The following XRCC1 variants were observed in gnomAD, a reference collection of about 807,000 sequenced individuals.
The protein encoded by XRCC1 is DNA repair protein XRCC1.
XRCC1 carries 52 observed loss-of-function variants against 83.3 expected under a neutral mutation model. The ratio of observed to expected loss-of-function variants is 0.62; its 90% CI spans 0.50 to 0.79. XRCC1 has a LOEUF of 0.79. XRCC1 is among the 30% of genes least tolerant of loss of function. XRCC1 has a pLI of 0.00. For synonymous variants in XRCC1, 281 were observed against 312.6 expected (o/e 0.90, Z 1.07); for missense variants, 793 against 823.5 (o/e 0.96, Z 0.45).
intron 3 of XRCC1, among the ~76,000 whole-genome samples, chr19:43,560,529 G>C (rs547633860): frequency 6.6e-6 from 1 of 152,314 alleles, no homozygotes; most frequent in South Asian, 2.1e-4. Flanking sequence ...ACAAGCTGAG[G>C]AGGGCAGATG....
intron 2 of XRCC1, among the ~76,000 whole-genome samples, chr19:43,573,237 A>G (rs2854506): frequency 0.8 from 122,266 of 152,096 alleles, 49,249 homozygotes; most frequent in East Asian, 0.88. Flanking sequence ...TCTTATAAGA[A>G]TTTGTGGGAT....
At chr19:43,545,653 C>G (rs1972500442) in intron 14 of XRCC1, among the ~76,000 whole-genome samples, 165 bp downstream of exon 14, 1 of 152,182 alleles carries the variant, frequency 6.6e-6, no homozygotes, top group Admixed American at 6.5e-5. Flanking sequence ...AGGAAAGGAA[C>G]AAGCCTGGCA....
At position 43,575,527 on chromosome 19, in the gene XRCC1, T is replaced by A. The variant is rs1350080696; in HGVS notation, c.-69A>T. On this transcript the variant is annotated 5_prime_UTR_variant, in exon 1 of 17. Coordinates refer to ENST00000262887, the MANE Select transcript of XRCC1 (RefSeq NM_006297.3). The stretch of plus-strand genomic sequence containing the variant: ...TATGGGGTCCGAGGGGCAGGGAGAG[T>A]GGGAGGGGGCGGGGTGCGCCCTGCG... 3 of 1,480,386 alleles carry A rather than the reference T, an allele frequency of 2.0e-6. No homozygotes were observed. The highest frequency in any genetic ancestry group is 2.8e-5 in the African/African-American group (2 of 70,904). 91.7% of individuals were successfully genotyped at this position (1,480,386 alleles called of 1,614,324 possible).
At chr19:43,570,060 A>G (rs2854510) in intron 2 of XRCC1, among the ~76,000 whole-genome samples, 29,021 of 152,190 alleles carry the variant, frequency 0.19, 2,855 homozygotes, top group African/African-American at 0.21. Context: ...TGCAGTTTGC[A>G]AAGAGTCACT....
chr19:43,554,665 C>T lies in XRCC1; in HGVS notation c.395G>A (p.Cys132Tyr). 6.2e-7 allele frequency: 1 copy of T among 1,612,780 alleles called. No homozygotes were observed. The highest frequency in any genetic ancestry group is 8.5e-7 in the Non-Finnish European group (1 of 1,179,162). Residue 132 changes from cysteine to tyrosine, a missense_variant, in exon 4 of 17, where the codon TGC (cysteine) becomes TAC (tyrosine). Transcript: ENST00000262887. The stretch of plus-strand genomic sequence containing the variant: ...AGGTACCTTGCTGTAGGGCTGGCTG[C>T]AAACAATTTTGACCCGGTCCCAGCG... ...EKRWDRVKIV[C>Y]SQPYSKDSPF...
chr19:43,567,513 T>C (rs1008579007), intron 2 of XRCC1, among the ~76,000 whole-genome samples: 3 of 152,174 alleles, frequency 2.0e-5, no homozygotes, highest in African/African-American at 7.2e-5. Context: ...GGTTTCACCA[T>C]GTTGGCCAGC....
At chr19:43,571,334 C>G (rs1972804915) in intron 2 of XRCC1, among the ~76,000 whole-genome samples, 1 of 152,160 alleles carries the variant, frequency 6.6e-6, no homozygotes, top group African/African-American at 2.4e-5. Context: ...TTCAGGGAGG[C>G]CTTCCCGGAC....
chr19:43,567,268 TAAAA>T (rs35436804), intron 2 of XRCC1, among the ~76,000 whole-genome samples: 3 of 143,540 alleles, frequency 2.1e-5, no homozygotes, highest in African/African-American at 5.1e-5. Flanking sequence ...GTCAATATGC[TAAAA>T]AAAAAAAAAA....
chr19:43,544,107 C>T (rs1411425651), intron 15 of XRCC1, 37 bp downstream of exon 15: 16 of 1,560,540 alleles, frequency 1.0e-5, no homozygotes, highest in Non-Finnish European at 1.4e-5. Flanking sequence ...CCCTTGGATC[C>T]ATCACCCCTT....
chr19:43,549,284 A>G lies in XRCC1; in HGVS notation c.1199+2287T>C, dbSNP rs374709987. 3.2e-4 allele frequency among the ~76,000 whole-genome samples: 49 copies of G among 152,210 alleles called. No homozygotes were observed. In the South Asian group the frequency reaches 0.01, roughly 32 times the overall value. On this transcript the variant is annotated intron_variant, in intron 10 of 16. Coordinates refer to ENST00000262887, the MANE Select transcript of XRCC1 (RefSeq NM_006297.3). ...TTATTTTATTTTTATTTTTTGAGAC[A>G]GAGTCTCGCTCTGTCCCCAGGCTGG...
chr19:43,560,394 C>T (rs1333862428), intron 3 of XRCC1, among the ~76,000 whole-genome samples: 1 of 148,266 alleles, frequency 6.7e-6, no homozygotes, highest in Non-Finnish European at 1.5e-5. Context: ...AGCGAGACTC[C>T]GTCTCAAAAA....
Position 43,546,122 on chromosome 19 carries a change from CA to C in XRCC1, c.1427-17del, listed in dbSNP as rs1972506882. ...TCCTGTCCTTCTGCAAGTAGAAGCTCAGTCAATGCAAGGCTGCCTTGTCTCC... is the reference window on the plus strand; with the variant it reads ...TCCTGTCCTTCTGCAAGTAGAAGCTCGTCAATGCAAGGCTGCCTTGTCTCC... On this transcript the variant is annotated splice_polypyrimidine_tract_variant and intron_variant, in intron 12 of 16. Coordinates refer to ENST00000262887, the MANE Select transcript of XRCC1 (RefSeq NM_006297.3). The C allele has an allele frequency of 6.2e-7, 1 of 1,613,854 alleles. No homozygotes were observed. The highest frequency in any genetic ancestry group is 1.1e-5 in the South Asian group (1 of 91,070).
chr19:43,560,974 C>T lies in XRCC1; in HGVS notation c.191G>A (p.Gly64Asp), dbSNP rs1972692807. 1.2e-6 allele frequency: 2 copies of T among 1,614,100 alleles called. No homozygotes were observed. The highest frequency in any genetic ancestry group is 1.7e-6 in the Non-Finnish European group (2 of 1,180,038). Residue 64 changes from glycine to aspartate, a missense_variant, in exon 3 of 17, where the codon GGC (glycine) becomes GAC (aspartate). Physicochemically the swap from Gly to Asp is moderately conservative, Grantham distance 94 (BLOSUM62 -1). Transcript: ENST00000262887. ...CACCAGCACCTCCACGAAAGCTGAG[C>T]CATCATTCCCAATGTCCACACTGTG... ...QIHSVDIGND[G>D]SAFVEVLVGS...
chr19:43,563,865 T>C (rs888653895), intron 2 of XRCC1, among the ~76,000 whole-genome samples: 5 of 152,212 alleles, frequency 3.3e-5, no homozygotes, highest in African/African-American at 1.2e-4. Context: ...TTTGTATTTG[T>C]CTAGCATCTG....
At position 43,546,676 on chromosome 19, in the gene XRCC1, G is replaced by C. The variant is rs1157599912; in HGVS notation, c.1345C>G (p.Gln449Glu). Residue 449 changes from glutamine (Q) to glutamate (E), a missense_variant, in exon 12 of 17, where the codon CAG becomes GAG. Coordinates refer to ENST00000262887, the MANE Select transcript of XRCC1 (RefSeq NM_006297.3). ...PTQAAGPSSPQKPPTPEETKA... is the reference protein window; with the variant it reads ...PTQAAGPSSPEKPPTPEETKA... ...GTCTCTTCAGGGGTTGGGGGCTTCT[G>C]GGGTGAGCTGGGTCCAGCTGCCTGA... 1 of 1,610,444 alleles carries C rather than the reference G, an allele frequency of 6.2e-7. No homozygotes were observed. The highest frequency in any genetic ancestry group is 1.3e-5 in the African/African-American group (1 of 74,602).
chr19:43,568,716 G>A (rs756717475), intron 2 of XRCC1, among the ~76,000 whole-genome samples: 83 of 142,738 alleles, frequency 5.8e-4, no homozygotes, highest in Non-Finnish European at 1.2e-4. Flanking sequence ...ACTGCTAATG[G>A]TGGTTGCATC....
intron 14 of XRCC1, 22 bp from the exon 15 acceptor site, chr19:43,544,256 AG>A (rs1972486322): frequency 6.3e-7 from 1 of 1,590,844 alleles, no homozygotes; most frequent in Non-Finnish European, 8.6e-7. Context: ...AAGGGGGCTA[AG>A]GTAAGCATGA....
At chr19:43,567,968 G>A (rs368295591) in intron 2 of XRCC1, among the ~76,000 whole-genome samples, 3 of 149,990 alleles carry the variant, frequency 2.0e-5, no homozygotes, top group Non-Finnish European at 3.0e-5. Flanking sequence ...TCCGCCTCCC[G>A]GGTTCAAACA....
At chr19:43,561,526 G>A (rs1158349713) in intron 2 of XRCC1, among the ~76,000 whole-genome samples, 3 of 152,132 alleles carry the variant, frequency 2.0e-5, no homozygotes, top group African/African-American at 4.8e-5. Context: ...TTAACCTTTT[G>A]GAGCCTCAGT....
Sources: allele counts gnomAD v4.1 joint callset (sites outside exome capture counted in the v4.1 genomes callset), GRCh38; gene constraint gnomAD v4.1.1; transcripts MANE v1.5; gene names NCBI Gene and HGNC (gene_info 2026-07-23, HGNC 2026-07-21).